LTBP1: variants seen among roughly 807,000 people sequenced by gnomAD.
The protein encoded by LTBP1 is latent-transforming growth factor beta-binding protein 1.
In LTBP1, 129 loss-of-function variants were observed where a neutral mutation model predicts 207.6. The ratio of observed to expected loss-of-function variants is 0.62; its 90% CI spans 0.54 to 0.72. The LOEUF is 0.72. Ranked by LOEUF, LTBP1 falls within the 30% of genes least tolerant of loss-of-function variation. The pLI is 0.00. For synonymous variants in LTBP1, 963 were observed against 833.7 expected (o/e 1.16, Z -2.67); for missense variants, 2,281 against 2,217.2 (o/e 1.03, Z -0.58).
chr2:33,077,318 A>T (rs1035451955), intron 3 of LTBP1, among the ~76,000 whole-genome samples: 18 of 152,250 alleles, frequency 1.2e-4, no homozygotes, highest in African/African-American at 4.3e-4. Context: ...GGAAAAGCGT[A>T]TAAGTCCGTT....
chr2:33,358,431 T>C (rs924105842), intron 26 of LTBP1, among the ~76,000 whole-genome samples: 1 of 151,540 alleles, frequency 6.6e-6, no homozygotes, highest in Non-Finnish European at 1.5e-5. Flanking sequence ...TAAAATTATA[T>C]TTAAATATAT....
chr2:33,089,406 C>T (rs1049894405), intron 3 of LTBP1, among the ~76,000 whole-genome samples: 6 of 152,116 alleles, frequency 3.9e-5, no homozygotes, highest in South Asian at 4.1e-4. Context: ...TTGCCCTCCA[C>T]GTGACATGTG....
intron 26 of LTBP1, among the ~76,000 whole-genome samples, chr2:33,348,874 T>C (rs1465552372): frequency 6.6e-6 from 1 of 152,212 alleles, no homozygotes; most frequent in Non-Finnish European, 1.5e-5. Flanking sequence ...CTTATTCATT[T>C]GTATAGCTCC....
intron 2 of LTBP1, among the ~76,000 whole-genome samples, chr2:32,971,122 T>C (rs188434649): frequency 3.4e-4 from 51 of 152,162 alleles, no homozygotes; most frequent in Non-Finnish European, 5.4e-4. Context: ...GAAATGCTTC[T>C]GATTGTTATA....
intron 7 of LTBP1, among the ~76,000 whole-genome samples, chr2:33,213,417 G>T (rs903474317): frequency 6.6e-6 from 1 of 152,174 alleles, no homozygotes; most frequent in African/African-American, 2.4e-5. Flanking sequence ...TAAAAATATA[G>T]TTAGCGTGAG....
intron 25 of LTBP1, among the ~76,000 whole-genome samples, chr2:33,345,240 C>T (rs749483163): frequency 6.6e-6 from 1 of 152,186 alleles, no homozygotes; most frequent in Non-Finnish European, 1.5e-5. Context: ...CATGCTTTCA[C>T]TGAGCTCTGA....
intron 8 of LTBP1, 70 bp downstream of exon 8, chr2:33,217,724 T>A: frequency 2.9e-6 from 3 of 1,040,048 alleles, no homozygotes; most frequent in Non-Finnish European, 4.4e-6. Flanking sequence ...ACTCCTTTAA[T>A]GATGAGGCAA....
intron 4 of LTBP1, among the ~76,000 whole-genome samples, chr2:33,127,279 C>A (rs572936197): frequency 1.3e-5 from 2 of 152,188 alleles, no homozygotes; most frequent in Admixed American, 6.5e-5. Context: ...TGTAATAAGT[C>A]ATTTCCTTCA....
intron 2 of LTBP1, among the ~76,000 whole-genome samples, chr2:32,967,056 T>C (rs191495816): frequency 6.4e-4 from 98 of 152,288 alleles, no homozygotes; most frequent in African/African-American, 1.9e-3. Context: ...TTTGGCAGAT[T>C]ATGTCTTTTA....
At chr2:32,991,211 C>G (rs543251956) in intron 2 of LTBP1, among the ~76,000 whole-genome samples, 1 of 152,064 alleles carries the variant, frequency 6.6e-6, no homozygotes, top group Non-Finnish European at 1.5e-5. Flanking sequence ...AATATTTGCC[C>G]GCATTAATAC....
chr2:33,372,967 TGAAA>T (rs1004827805), intron 31 of LTBP1, among the ~76,000 whole-genome samples: 2 of 152,184 alleles, frequency 1.3e-5, no homozygotes, highest in Non-Finnish European at 2.9e-5. Flanking sequence ...GATCTGCAAA[TGAAA>T]GAAAATTATA....
At chr2:33,048,280 AG>A (rs1345084643) in intron 3 of LTBP1, among the ~76,000 whole-genome samples, 1 of 152,222 alleles carries the variant, frequency 6.6e-6, no homozygotes, top group Non-Finnish European at 1.5e-5. Flanking sequence ...CATTCCTTAG[AG>A]TACTGGCTGA....
At chr2:33,021,337 T>C (rs1404025823) in intron 3 of LTBP1, 131 bp downstream of exon 3, 2 of 884,074 alleles carry the variant, frequency 2.3e-6, no homozygotes, top group African/African-American at 3.4e-5. Context: ...TTCTTTCCTT[T>C]CTTAAGGCTT....
intron 5 of LTBP1, among the ~76,000 whole-genome samples, chr2:33,141,619 G>A (rs1256419584): frequency 6.6e-6 from 1 of 152,168 alleles, no homozygotes; most frequent in African/African-American, 2.4e-5. Flanking sequence ...GGTGGAAGGC[G>A]TGGTTGCTAT....
intron 23 of LTBP1, among the ~76,000 whole-genome samples, chr2:33,312,551 T>C (rs1385181683): frequency 6.6e-6 from 1 of 152,052 alleles, no homozygotes; most frequent in African/African-American, 2.4e-5. Context: ...CCAACTTAAA[T>C]ATAGTCTGGC....
chr2:33,206,923 A>G lies in LTBP1; in HGVS notation c.1702-10629A>G, dbSNP rs576121949. ...AACTTAAAATAAATTCGATCTACTC[A>G]CCATCTAGTACTAGGATTTATCACA... On this transcript the variant is annotated intron_variant, in intron 7 of 33. Coordinates refer to ENST00000404816, the MANE Select transcript of LTBP1 (RefSeq NM_206943.4). 2.6e-5 allele frequency among the ~76,000 whole-genome samples: 4 copies of G among 152,248 alleles called. No homozygotes were observed. The South Asian group carries it at 8.3e-4, about 32-fold the overall frequency.
intron 2 of LTBP1, among the ~76,000 whole-genome samples, chr2:33,012,022 A>T (rs1318561063): frequency 6.6e-6 from 1 of 151,732 alleles, no homozygotes; most frequent in Non-Finnish European, 1.5e-5. Context: ...CCCCCATCAG[A>T]CACTCCTCTT....
chr2:33,008,261 A>G (rs1687202004), intron 2 of LTBP1, among the ~76,000 whole-genome samples: 1 of 152,250 alleles, frequency 6.6e-6, no homozygotes, highest in African/African-American at 2.4e-5. Flanking sequence ...TAAGTTTCAA[A>G]GTAAAAATAA....
Position 33,010,586 on chromosome 2 carries a change from T to TTGA in LTBP1, c.566-10321_566-10319dup, listed in dbSNP as rs1228181341. Among the ~76,000 whole-genome samples, 6 of 152,330 alleles carry TTGA rather than the reference T, an allele frequency of 3.9e-5. 1 individual carries two copies. In the South Asian group the frequency reaches 1.0e-3, roughly 26 times the overall value. On this transcript the variant is annotated intron_variant, in intron 2 of 33. Coordinates refer to ENST00000404816, the MANE Select transcript of LTBP1 (RefSeq NM_206943.4). ...TGATGGATGCCCTAAATATGCTGAC[T>TTGA]TGATCATCACACATTCTCTGCAGGT...
Sources: gnomAD v4.1 joint callset for allele counts (sites outside exome capture counted in the v4.1 genomes callset) on GRCh38, gnomAD v4.1.1 for gene constraint, MANE v1.5 for transcripts, NCBI Gene and HGNC (gene_info 2026-07-23, HGNC 2026-07-21) for gene names.